The following NALCN variants were observed in gnomAD, a reference collection of about 807,000 sequenced individuals.
NALCN encodes sodium leak channel NALCN.
NALCN carries 111 observed loss-of-function variants against 225.3 expected under a neutral mutation model. The ratio of observed to expected loss-of-function variants is 0.49; its 90% CI spans 0.42 to 0.58. The LOEUF (loss-of-function observed/expected upper bound fraction) is 0.58, where lower values mean the gene tolerates loss of function less well. Among genes scored for constraint, NALCN ranks in the 20% least tolerant of loss-of-function variants. The probability of loss-of-function intolerance (pLI) is 0.00; values close to 1 mark genes in which losing one functional copy is unlikely to be tolerated. For synonymous variants in NALCN, 764 were observed against 769.0 expected (o/e 0.99, Z 0.11); for missense variants, 1,378 against 2,202.4 (o/e 0.63, Z 7.49).
At chr13:101,215,681 C>CTTT (rs58105302) in intron 13 of NALCN, among the ~76,000 whole-genome samples, 1 of 150,772 alleles carries the variant, frequency 6.6e-6, no homozygotes, top group Non-Finnish European at 1.5e-5. Flanking sequence ...TGGAGGCTTA[C>CTTT]TTTTTTTTTC....
At chr13:101,176,048 T>C (rs2038944095) in intron 15 of NALCN, among the ~76,000 whole-genome samples, 1 of 152,194 alleles carries the variant, frequency 6.6e-6, no homozygotes, top group African/African-American at 2.4e-5. Flanking sequence ...CCAAATCCAA[T>C]TAACTATACT....
At chr13:101,259,751 T>TATATATATAC (rs10622707) in intron 10 of NALCN, among the ~76,000 whole-genome samples, 65 of 131,950 alleles carry the variant, frequency 4.9e-4, no homozygotes, top group East Asian at 1.7e-3. Flanking sequence ...TATATATATA[T>TATATATATAC]ACACACACAC....
chr13:101,078,498 C>A (rs1263496259), intron 34 of NALCN, among the ~76,000 whole-genome samples: 3 of 152,200 alleles, frequency 2.0e-5, no homozygotes, highest in Non-Finnish European at 4.4e-5. Flanking sequence ...TATTTTGGAA[C>A]TTTAATGTTT....
rs1217565918 is a variant in NALCN, at chr13:101,291,546, A to C, written c.1047+444T>G. On this transcript the variant is annotated intron_variant, in intron 9 of 43. Transcript: ENST00000251127. Reference sequence around the variant, plus strand: ...TGGGCCTTTGAACCTGTTTTATTTTATTTTCTTTTATGTTTTTTGGGGATA... The same window carrying C: ...TGGGCCTTTGAACCTGTTTTATTTTCTTTTCTTTTATGTTTTTTGGGGATA... Among the ~76,000 whole-genome samples the C allele has an allele frequency of 1.3e-5, 2 of 151,714 alleles. 1 individual carries two copies. Among genetic ancestry groups the C allele is most frequent in the Non-Finnish European group, 2.9e-5 (2 of 67,952 alleles).
intron 15 of NALCN, among the ~76,000 whole-genome samples, chr13:101,166,604 A>C (rs942018119): frequency 6.6e-6 from 1 of 152,136 alleles, no homozygotes; most frequent in Non-Finnish European, 1.5e-5. Flanking sequence ...CTTGTTGACT[A>C]TAGGAGCTCT....
intron 43 of NALCN, among the ~76,000 whole-genome samples, chr13:101,056,507 C>T (rs767363763): frequency 3.9e-5 from 6 of 152,096 alleles, no homozygotes; most frequent in Non-Finnish European, 7.4e-5. Context: ...AATGATCCAC[C>T]TGCCTCGGCC....
intron 27 of NALCN, among the ~76,000 whole-genome samples, chr13:101,097,424 G>T (rs1042135722): frequency 6.6e-6 from 1 of 152,006 alleles, no homozygotes; most frequent in African/African-American, 2.4e-5. Flanking sequence ...TTGTATAAAG[G>T]TCCCTTGACA....
chr13:101,102,292 G>GA (rs1011594132), intron 26 of NALCN, among the ~76,000 whole-genome samples: 4 of 146,866 alleles, frequency 2.7e-5, no homozygotes, highest in Non-Finnish European at 6.0e-5. Flanking sequence ...CAAAAAAAAA[G>GA]AAAAAAAAAG....
intron 28 of NALCN, among the ~76,000 whole-genome samples, chr13:101,094,768 T>A (rs557304231): frequency 6.6e-6 from 1 of 152,284 alleles, no homozygotes; most frequent in African/African-American, 2.4e-5. Flanking sequence ...TAACAGTGAG[T>A]GCTAGGGTAC....
intron 10 of NALCN, among the ~76,000 whole-genome samples, chr13:101,261,582 A>G (rs2042428974): frequency 6.6e-6 from 1 of 152,078 alleles, no homozygotes; most frequent in African/African-American, 2.4e-5. Context: ...GGTTAATTGC[A>G]AGGAATTTTA....
intron 28 of NALCN, among the ~76,000 whole-genome samples, chr13:101,090,543 AG>A (rs2034178331): frequency 1.3e-5 from 2 of 152,242 alleles, no homozygotes; most frequent in South Asian, 4.1e-4. Context: ...TGAGACGGCA[AG>A]AGGTGTTTGC....
rs59757901 is a variant in NALCN, at chr13:101,160,144, C to T, written c.1840-15248G>A. 8.8e-3 allele frequency among the ~76,000 whole-genome samples: 1,338 copies of T among 152,088 alleles called. 15 individuals are homozygous for T. The highest frequency in any genetic ancestry group is 0.029 in the African/African-American group (1,206 of 41,500). ...TAATTTTTTGTATTTTTAGTAGAGA[C>T]AGGGTTTCACCATGTTAGCCAGGAT... On this transcript the variant is annotated intron_variant, in intron 15 of 43. Transcript: ENST00000251127.
At chr13:101,407,028 A>T (rs2139539850) in intron 1 of NALCN, among the ~76,000 whole-genome samples, 1 of 152,292 alleles carries the variant, frequency 6.6e-6, no homozygotes, top group South Asian at 2.1e-4. Flanking sequence ...AATGTATGTA[A>T]TTTTTTACAG....
intron 27 of NALCN, among the ~76,000 whole-genome samples, chr13:101,097,475 C>T (rs1034015388): frequency 3.3e-5 from 5 of 152,146 alleles, no homozygotes; most frequent in African/African-American, 1.2e-4. Context: ...CTTCCTGAAC[C>T]CACCTGAGCC....
At chr13:101,181,440 T>G in intron 14 of NALCN, 1 of 438,630 alleles carries the variant, frequency 2.3e-6, no homozygotes, top group Non-Finnish European at 4.5e-6. Flanking sequence ...TTAATGCATG[T>G]AATGCAGCAA....
chr13:101,070,161 G>A (rs2032760755), intron 37 of NALCN, among the ~76,000 whole-genome samples: 2 of 139,918 alleles, frequency 1.4e-5, no homozygotes, highest in African/African-American at 5.2e-5. Flanking sequence ...CCGCCTCCTG[G>A]GCTTACGCCA....
At chr13:101,308,130 G>A (rs1211209167) in intron 7 of NALCN, among the ~76,000 whole-genome samples, 11 of 152,022 alleles carry the variant, frequency 7.2e-5, no homozygotes, top group African/African-American at 2.4e-5. Context: ...AAATTTCATG[G>A]CTTCATTTTT....
chr13:101,372,895 T>TTG (rs2046580603), intron 6 of NALCN, among the ~76,000 whole-genome samples: 2 of 151,866 alleles, frequency 1.3e-5, no homozygotes, highest in South Asian at 4.1e-4. Context: ...GCAAAGATTC[T>TTG]TGTGTGTGTG....
At chr13:101,279,269 G>A (rs2043067192) in intron 10 of NALCN, among the ~76,000 whole-genome samples, 1 of 152,220 alleles carries the variant, frequency 6.6e-6, no homozygotes. Context: ...TGAGTGAGAA[G>A]GAAGTGGTGT....
Sources: gnomAD v4.1 joint callset for allele counts (sites outside exome capture counted in the v4.1 genomes callset) on GRCh38, gnomAD v4.1.1 for gene constraint, MANE v1.5 for transcripts, NCBI Gene and HGNC (gene_info 2026-07-23, HGNC 2026-07-21) for gene names.